The following DNAL1 variants were observed in gnomAD, a reference collection of about 807,000 sequenced individuals.
DNAL1 encodes dynein axonemal light chain 1, also known as chromosome 14 open reading frame 168.
DNAL1 carries 17 observed loss-of-function variants against 29.4 expected under a neutral mutation model. The observed-to-expected ratio is 0.58, with a 90% CI of 0.40 to 0.87. The LOEUF (loss-of-function observed/expected upper bound fraction) is 0.87. DNAL1 is among the 40% of genes least tolerant of loss of function. The pLI is 0.00. For synonymous variants in DNAL1, 78 were observed against 76.3 expected (o/e 1.02, Z -0.12); for missense variants, 188 against 214.1 (o/e 0.88, Z 0.76).
chr14:73,694,888 C>A (rs1166034743), intron 7 of DNAL1, among the ~76,000 whole-genome samples: 1 of 151,898 alleles, frequency 6.6e-6, no homozygotes, highest in Non-Finnish European at 1.5e-5. Context: ...GGGGTTTCAC[C>A]ATGTTCGCCA....
At chr14:73,651,900 A>G (rs919238666) in intron 1 of DNAL1, among the ~76,000 whole-genome samples, 3 of 151,294 alleles carry the variant, frequency 2.0e-5, no homozygotes, top group African/African-American at 4.9e-5. Context: ...CAAGTGATCT[A>G]CCCGCCTCAG....
At chr14:73,656,346 T>C (rs923184207) in intron 2 of DNAL1, among the ~76,000 whole-genome samples, 1 of 152,148 alleles carries the variant, frequency 6.6e-6, no homozygotes, top group African/African-American at 2.4e-5. Context: ...GATTTTGAGA[T>C]TTTATTTTAC....
At chr14:73,687,463 C>T (rs779477903) in intron 6 of DNAL1, 78 bp downstream of exon 6, 16 of 1,413,530 alleles carry the variant, frequency 1.1e-5, no homozygotes, top group South Asian at 3.7e-5. Context: ...AGATGCAAAA[C>T]GAGAACGTTT....
In DNAL1 at chr14:73,658,007, TATTTTCTTC is replaced by T. The variant is rs2140030141; in HGVS notation, c.43-839_43-831del. 2.0e-5 allele frequency among the ~76,000 whole-genome samples: 3 copies of T among 152,360 alleles called. No homozygotes were observed. The East Asian group carries it at 5.8e-4, about 29-fold the overall frequency. On this transcript the variant is annotated intron_variant, in intron 2 of 7. Coordinates refer to ENST00000553645, the MANE Select transcript of DNAL1 (RefSeq NM_031427.4). ...CCAATGTCCTGAAGTGTTTTCCCTG[TATTTTCTTC>T]CAGTGGCTTTATAGTTTTGAGTCTT...
chr14:73,691,848 C>T (rs925495743), intron 7 of DNAL1, among the ~76,000 whole-genome samples: 4 of 65,158 alleles, frequency 6.1e-5, no homozygotes, highest in Non-Finnish European at 1.5e-4. Context: ...CGTGCGCCAC[C>T]CCCCCCCCCC....
At chr14:73,668,013 C>T (rs932686756) in intron 4 of DNAL1, among the ~76,000 whole-genome samples, 1 of 152,168 alleles carries the variant, frequency 6.6e-6, no homozygotes, top group Non-Finnish European at 1.5e-5. Context: ...TCAGCTTATG[C>T]GGTCCTGCCT....
chr14:73,695,307 C>A, intron 7 of DNAL1, among the ~76,000 whole-genome samples: 1 of 151,480 alleles, frequency 6.6e-6, no homozygotes, highest in East Asian at 1.9e-4. Flanking sequence ...CTTCTCTCAT[C>A]TGGCCTCCCA....
intron 2 of DNAL1, 44 bp from the exon 3 acceptor site, chr14:73,658,803 A>T: frequency 6.8e-7 from 1 of 1,473,348 alleles, no homozygotes; most frequent in Non-Finnish European, 9.3e-7. Context: ...TTGTTTCCAC[A>T]TTGCAATCAT....
intron 5 of DNAL1, among the ~76,000 whole-genome samples, chr14:73,678,587 C>A (rs1891800779): frequency 6.7e-6 from 1 of 148,978 alleles, no homozygotes; most frequent in Non-Finnish European, 1.5e-5. Context: ...GAACAGGCAT[C>A]CTTAAACACT....
chr14:73,678,477 T>C (rs1891796316), intron 5 of DNAL1, among the ~76,000 whole-genome samples: 1 of 151,804 alleles, frequency 6.6e-6, no homozygotes, highest in Admixed American at 6.6e-5. Context: ...GAGGCTCAGT[T>C]ATGTAAAGTA....
intron 5 of DNAL1, among the ~76,000 whole-genome samples, chr14:73,676,536 A>G (rs2140047188): frequency 6.6e-6 from 1 of 152,318 alleles, no homozygotes; most frequent in Admixed American, 6.5e-5. Flanking sequence ...ATATATCAAT[A>G]ATATCCTTCA....
intron 7 of DNAL1, among the ~76,000 whole-genome samples, chr14:73,693,545 T>A (rs1473649926): frequency 4.0e-5 from 6 of 151,244 alleles, no homozygotes; most frequent in Non-Finnish European, 5.9e-5. Flanking sequence ...ACAAACATAG[T>A]GTTGAATAAA....
intron 5 of DNAL1, among the ~76,000 whole-genome samples, chr14:73,679,524 G>A (rs1891825539): frequency 6.6e-6 from 1 of 152,148 alleles, no homozygotes; most frequent in Non-Finnish European, 1.5e-5. Flanking sequence ...GAGGGGAAGG[G>A]CAGAAGGAAA....
At chr14:73,663,330 T>C (rs986252881) in intron 4 of DNAL1, among the ~76,000 whole-genome samples, 10 of 150,952 alleles carry the variant, frequency 6.6e-5, no homozygotes, top group African/African-American at 2.4e-4. Flanking sequence ...CTCAGTCTCC[T>C]GAGTAGCTGG....
At chr14:73,650,300 A>C (rs1891084884) in intron 1 of DNAL1, among the ~76,000 whole-genome samples, 2 of 151,922 alleles carry the variant, frequency 1.3e-5, no homozygotes, top group South Asian at 4.2e-4. Flanking sequence ...TTGTTTTTAC[A>C]ATTTGTATTA....
chr14:73,665,234 C>G (rs147555206), intron 4 of DNAL1, among the ~76,000 whole-genome samples: 1 of 152,166 alleles, frequency 6.6e-6, no homozygotes, highest in East Asian at 1.9e-4. Flanking sequence ...GCATTCAGTA[C>G]TTATACAGTG....
intron 5 of DNAL1, among the ~76,000 whole-genome samples, chr14:73,682,337 A>ATTTTTTTTTT (rs57403758): frequency 0.02 from 1,843 of 93,424 alleles, no homozygotes; most frequent in Non-Finnish European, 0.03. Context: ...TGCCTGGCTA[A>ATTTTTTTTTT]TTTTTTTTTT....
At chr14:73,652,181 G>C (rs891044193) in intron 1 of DNAL1, among the ~76,000 whole-genome samples, 1 of 151,982 alleles carries the variant, frequency 6.6e-6, no homozygotes, top group Admixed American at 6.6e-5. Context: ...CAGCCCCCCA[G>C]TAGCTGTAAC....
intron 5 of DNAL1, among the ~76,000 whole-genome samples, chr14:73,684,230 A>G (rs1891959027): frequency 6.6e-6 from 1 of 152,114 alleles, no homozygotes; most frequent in Non-Finnish European, 1.5e-5. Context: ...TATTTTGGCT[A>G]TTGTGAATAG....
Sources: allele counts gnomAD v4.1 joint callset (sites outside exome capture counted in the v4.1 genomes callset), GRCh38; gene constraint gnomAD v4.1.1; transcripts MANE v1.5; gene names NCBI Gene and HGNC (gene_info 2026-07-23, HGNC 2026-07-21).